Variants in WNT7B observed in about 807,000 individuals in gnomAD.
WNT7B encodes the protein protein Wnt-7b.
Under a neutral mutation model 38.2 loss-of-function variants are expected in WNT7B, and 19 were observed. The observed-to-expected ratio is 0.50, with a 90% CI of 0.35 to 0.73. The LOEUF (loss-of-function observed/expected upper bound fraction) is 0.73, where lower values mean the gene tolerates loss of function less well. Among genes scored for constraint, WNT7B ranks in the 30% least tolerant of loss-of-function variants. The pLI, the probability that WNT7B is intolerant of heterozygous loss-of-function variation, is 0.01. For missense variants in WNT7B, 423 were observed against 507.9 expected (o/e 0.83, Z 1.61); for synonymous variants, 243 against 209.3 (o/e 1.16, Z -1.39).
intron 3 of WNT7B, chr22:45,925,935 G>A: frequency 2.0e-6 from 2 of 985,366 alleles, no homozygotes; most frequent in Non-Finnish European, 2.4e-6. Flanking sequence ...GGCCCAGGAT[G>A]GCTGCCCCTG....
intron 3 of WNT7B, 57 bp downstream of exon 3, chr22:45,931,041 C>T: frequency 2.0e-6 from 3 of 1,506,300 alleles, no homozygotes; most frequent in Non-Finnish European, 1.8e-6. Context: ...TCCGAGAGGT[C>T]AGCGGGTGAT....
At chr22:45,927,043 G>A (rs1478857161) in intron 3 of WNT7B, 3 of 985,430 alleles carry the variant, frequency 3.0e-6, no homozygotes, top group African/African-American at 1.7e-5. Flanking sequence ...ATGTCACCAA[G>A]AGAGGTGCCC....
intron 2 of WNT7B, among the ~76,000 whole-genome samples, chr22:45,944,715 C>T (rs370505814): frequency 1.4e-3 from 207 of 152,356 alleles, no homozygotes; most frequent in African/African-American, 3.9e-3. Context: ...CTGTGCTCAC[C>T]CATCGTGTCC....
intron 2 of WNT7B, among the ~76,000 whole-genome samples, chr22:45,936,859 G>A (rs910400021): frequency 6.6e-6 from 1 of 152,234 alleles, no homozygotes; most frequent in Non-Finnish European, 1.5e-5. Flanking sequence ...TGGGCAGGAT[G>A]AGGCTTCCCC....
intron 3 of WNT7B, chr22:45,925,740 C>T (rs978842159): frequency 1.0e-6 from 1 of 985,426 alleles, no homozygotes; most frequent in South Asian, 4.7e-5. Flanking sequence ...CCAGGCGCCA[C>T]CCCAGGAGCT....
chr22:45,943,398 G>GCGGCAGGCCCCCAGGTGGGGA (rs1931716189), intron 2 of WNT7B, among the ~76,000 whole-genome samples: 1 of 152,266 alleles, frequency 6.6e-6, no homozygotes, highest in Non-Finnish European at 1.5e-5. Flanking sequence ...CACACGCCAA[G>GCGGCAGGCCCCCAGGTGGGGA]CGGCAGGCCC....
chr22:45,958,579 G>C (rs576841300), intron 1 of WNT7B, among the ~76,000 whole-genome samples: 1 of 152,214 alleles, frequency 6.6e-6, no homozygotes, highest in East Asian at 1.9e-4. Flanking sequence ...GGGGCCAAGG[G>C]CTAGAATGGT....
In WNT7B at chr22:45,976,287, C is replaced by T. The variant is rs1467272355; in HGVS notation, c.71+397G>A. Among the ~76,000 whole-genome samples the T allele has an allele frequency of 3.4e-5, 5 of 148,170 alleles. No homozygotes were observed. The highest frequency in any genetic ancestry group is 1.3e-4 in the Admixed American group (2 of 14,930). Reference sequence around the variant, plus strand: ...GCAGGCGCCGGACGCCCCCCGACCCCGCCCCGGCGCACCCTCCAGGCGGCG... The same window carrying T: ...GCAGGCGCCGGACGCCCCCCGACCCTGCCCCGGCGCACCCTCCAGGCGGCG... On this transcript the variant is annotated intron_variant, in intron 1 of 3. Transcript: ENST00000339464. This position sits in a 1 kb window ranked among gnomAD's most constrained non-coding sequence, Gnocchi z 8.5.
chr22:45,924,365 G>C (rs903103220), intron 3 of WNT7B, among the ~76,000 whole-genome samples: 1 of 152,252 alleles, frequency 6.6e-6, no homozygotes, highest in Non-Finnish European at 1.5e-5. Flanking sequence ...CACAGAGATG[G>C]CTACTGCCCC....
chr22:45,976,771 C>T lies in WNT7B; in HGVS notation c.-17G>A, dbSNP rs1190556074. On this transcript the variant is annotated 5_prime_UTR_variant, in exon 1 of 4. Transcript: ENST00000339464. The surrounding 1 kb of genome is among the most constrained non-coding windows in gnomAD (Gnocchi z 8.5). ...TCTGTGCATGATCCAGGGAGGGGGG[C>T]TGCGCCATAGACAGCGGCGGCCGGA... 1 of 1,601,510 alleles carries T rather than the reference C, an allele frequency of 6.2e-7. No individual in the cohort carries two copies. Among genetic ancestry groups the T allele is most frequent in the Non-Finnish European group, 8.5e-7 (1 of 1,172,820 alleles).
chr22:45,943,970 G>A (rs943850504), intron 2 of WNT7B, among the ~76,000 whole-genome samples: 3 of 152,144 alleles, frequency 2.0e-5, no homozygotes, highest in African/African-American at 7.2e-5. Context: ...GAACCCACGT[G>A]GGAAGCTCTG....
rs1390062366 is a variant in WNT7B, at chr22:45,966,644, G to T, written c.71+10040C>A. Among the ~76,000 whole-genome samples, 1 of 152,192 alleles carries T rather than the reference G, an allele frequency of 6.6e-6. No individual in the cohort carries two copies. The highest frequency in any genetic ancestry group is 1.5e-5 in the Non-Finnish European group (1 of 68,036). On this transcript the variant is annotated intron_variant, in intron 1 of 3. Transcript: ENST00000339464. The surrounding 1 kb of genome is among the most constrained non-coding windows in gnomAD (Gnocchi z 4.2). ...CCTGCAGGCTTCACACTCTAAAGCT[G>T]CAAAGGCTGCTTGGGGGAGCAGGAC... is the stretch of plus-strand genomic sequence containing the variant.
intron 1 of WNT7B, among the ~76,000 whole-genome samples, chr22:45,950,954 T>G (rs1931918673): frequency 6.7e-6 from 1 of 150,246 alleles, no homozygotes; most frequent in South Asian, 2.1e-4. Context: ...AGTGGTCCAC[T>G]GAGGGGAACT....
At chr22:45,935,024 G>A (rs1377617288) in intron 2 of WNT7B, among the ~76,000 whole-genome samples, 5 of 152,194 alleles carry the variant, frequency 3.3e-5, no homozygotes, top group Non-Finnish European at 7.4e-5. Context: ...AGACCTAGAC[G>A]CCCACTCCGA....
chr22:45,945,673 G>A (rs573772217), intron 2 of WNT7B, among the ~76,000 whole-genome samples: 5 of 152,290 alleles, frequency 3.3e-5, no homozygotes, highest in South Asian at 2.1e-4. Flanking sequence ...GCAAAGCCCC[G>A]CAGGGCGGCA....
intron 3 of WNT7B, among the ~76,000 whole-genome samples, chr22:45,927,770 C>G (rs1226311292): frequency 6.6e-6 from 1 of 152,244 alleles, no homozygotes; most frequent in Non-Finnish European, 1.5e-5. Context: ...GTGGCACACG[C>G]CTGTAATCCC....
Position 45,976,802 on chromosome 22 carries a change from C to T in WNT7B, c.-48G>A, listed in dbSNP as rs774494844. On this transcript the variant is annotated 5_prime_UTR_variant, in exon 1 of 4. Transcript: ENST00000339464. This position sits in a 1 kb window ranked among gnomAD's most constrained non-coding sequence, Gnocchi z 8.5. Reference sequence around the variant, plus strand: ...CATAGACAGCGGCGGCCGGAGGGGACGCGCGGGCCCGGCAGGGCCGGGCAG... The same window carrying T: ...CATAGACAGCGGCGGCCGGAGGGGATGCGCGGGCCCGGCAGGGCCGGGCAG... The T allele has an allele frequency of 6.5e-7, 1 of 1,549,674 alleles. No individual in the cohort carries two copies. The highest frequency in any genetic ancestry group is 8.8e-7 in the Non-Finnish European group (1 of 1,142,812).
chr22:45,924,602 A>C (rs28633814), intron 3 of WNT7B, among the ~76,000 whole-genome samples: 139 of 152,384 alleles, frequency 9.1e-4, no homozygotes, highest in Non-Finnish European at 1.8e-3. Context: ...AGGTCTGGAG[A>C]CCACTGAGCA....
chr22:45,966,220 G>A lies in WNT7B; in HGVS notation c.71+10464C>T, dbSNP rs187640069. 1.6e-4 allele frequency among the ~76,000 whole-genome samples: 25 copies of A among 152,322 alleles called. 1 individual carries two copies. Among genetic ancestry groups the A allele is most frequent in the Middle Eastern group, 3.4e-3 (1 of 294 alleles). On this transcript the variant is annotated intron_variant, in intron 1 of 3. Transcript: ENST00000339464. This position sits in a 1 kb window ranked among gnomAD's most constrained non-coding sequence, Gnocchi z 4.2. ...ATGCCTCATCCTGTGTCCCCCAGGCGGGGGTCTGCAGGGCAGGCAGTGCAT... is the reference window on the plus strand; with the variant it reads ...ATGCCTCATCCTGTGTCCCCCAGGCAGGGGTCTGCAGGGCAGGCAGTGCAT...
Sources: gnomAD v4.1 joint callset for allele counts (sites outside exome capture counted in the v4.1 genomes callset) on GRCh38, gnomAD v4.1.1 for gene constraint, Gnocchi (gnomAD v3.1) non-coding constraint, MANE v1.5 for transcripts, NCBI Gene and HGNC (gene_info 2026-07-23, HGNC 2026-07-21) for gene names.